Variants in SAMSN1 observed in about 807,000 individuals in gnomAD.
SAMSN1 encodes the protein SAM domain-containing protein SAMSN-1.
SAMSN1 carries 31 observed loss-of-function variants against 42.0 expected under a neutral mutation model. The ratio of observed to expected loss-of-function variants is 0.74; its 90% CI spans 0.55 to 1.00. The LOEUF (loss-of-function observed/expected upper bound fraction) is 1.00. SAMSN1 is among the 50% of genes least tolerant of loss of function. The pLI is 0.00. For synonymous variants in SAMSN1, 178 were observed against 151.9 expected (o/e 1.17, Z -1.26); for missense variants, 464 against 439.4 (o/e 1.06, Z -0.50).
intron 7 of SAMSN1, among the ~76,000 whole-genome samples, chr21:14,589,975 CTG>C (rs1288531920): frequency 6.6e-6 from 1 of 152,086 alleles, no homozygotes; most frequent in Non-Finnish European, 1.5e-5. Context: ...TTAAAGAAAA[CTG>C]TAATGGAAAC....
chr21:14,569,272 G>A (rs1287694003), intron 2 of SAMSN1, among the ~76,000 whole-genome samples: 1 of 152,150 alleles, frequency 6.6e-6, no homozygotes, highest in African/African-American at 2.4e-5. Flanking sequence ...TGCAGCCTGG[G>A]CAACAGAGCA....
intron 7 of SAMSN1, among the ~76,000 whole-genome samples, chr21:14,490,104 A>G (rs1020440735): frequency 6.6e-6 from 1 of 152,172 alleles, no homozygotes; most frequent in Non-Finnish European, 1.5e-5. Context: ...TGCCCAAATC[A>G]TCCAGATTTT....
chr21:14,603,175 A>G (rs1982479736), intron 5 of SAMSN1, among the ~76,000 whole-genome samples: 1 of 152,126 alleles, frequency 6.6e-6, no homozygotes, highest in African/African-American at 2.4e-5. Context: ...ACTGGGAAAA[A>G]AAAATATTGC....
At chr21:14,555,700 C>G (rs1276332218) in intron 2 of SAMSN1, among the ~76,000 whole-genome samples, 1 of 152,150 alleles carries the variant, frequency 6.6e-6, no homozygotes, top group African/African-American at 2.4e-5. Context: ...CCTTTTCATT[C>G]TTTATAAACA....
rs563929342 is a variant in SAMSN1 at position 14,655,887 on chromosome 21, C to A, written c.24+2861G>T. Among the ~76,000 whole-genome samples the A allele has an allele frequency of 5.7e-4, 87 of 151,844 alleles. 1 individual carries two copies. The highest frequency in any genetic ancestry group is 8.9e-5 in the Non-Finnish European group (6 of 67,794). On this transcript the variant is annotated intron_variant, in intron 1 of 15. Transcript: ENST00000647101. Reference sequence around the variant, plus strand: ...AGTATCTCTCAGAATTCTTCAAGATCAGCAAAATTATTTATTTGGATATCA... The same window carrying A: ...AGTATCTCTCAGAATTCTTCAAGATAAGCAAAATTATTTATTTGGATATCA...
intron 6 of SAMSN1, among the ~76,000 whole-genome samples, chr21:14,500,130 G>A (rs73344129): frequency 6.6e-6 from 1 of 151,886 alleles, no homozygotes; most frequent in Admixed American, 6.6e-5. Context: ...ACTTGATTTT[G>A]ATCTCTGCTT....
intron 2 of SAMSN1, among the ~76,000 whole-genome samples, chr21:14,520,779 G>A (rs1568783562): frequency 6.6e-6 from 1 of 152,156 alleles, no homozygotes; most frequent in African/African-American, 2.4e-5. Flanking sequence ...TTTGCTGCAG[G>A]GAGGAGCCTG....
chr21:14,498,334 G>T, intron 7 of SAMSN1, 108 bp downstream of exon 7: 1 of 876,508 alleles, frequency 1.1e-6, no homozygotes, highest in Non-Finnish European at 1.7e-6. Flanking sequence ...ATGGGAAAGC[G>T]TGCTTTCATG....
intron 1 of SAMSN1, among the ~76,000 whole-genome samples, chr21:14,652,967 A>G (rs1983859802): frequency 6.6e-6 from 1 of 152,100 alleles, no homozygotes; most frequent in South Asian, 2.1e-4. Context: ...GAGAAATGCA[A>G]ATCAAAACTA....
Position 14,590,136 on chromosome 21 carries a change from C to A in SAMSN1, c.465+3877G>T, listed in dbSNP as rs117303264. Among the ~76,000 whole-genome samples the A allele has an allele frequency of 1.1e-3, 161 of 152,140 alleles. 5 individuals carry two copies. The East Asian group carries it at 0.022, about 21-fold the overall frequency. On this transcript the variant is annotated intron_variant, in intron 7 of 15. Transcript: ENST00000647101. Reference sequence around the variant, plus strand: ...ATGCTCCCATGTATTAAGTGAAAAACCAGAATGTAAATTTGTATAAAAAGT... The same window carrying A: ...ATGCTCCCATGTATTAAGTGAAAAAACAGAATGTAAATTTGTATAAAAAGT...
At chr21:14,561,207 C>G (rs1980938027) in intron 2 of SAMSN1, among the ~76,000 whole-genome samples, 1 of 152,092 alleles carries the variant, frequency 6.6e-6, no homozygotes, top group Non-Finnish European at 1.5e-5. Flanking sequence ...CAGAGGCAGA[C>G]TCAGTGCCCG....
intron 5 of SAMSN1, among the ~76,000 whole-genome samples, chr21:14,501,968 G>A (rs1480293133): frequency 2.6e-5 from 4 of 152,146 alleles, no homozygotes; most frequent in Non-Finnish European, 4.4e-5. Context: ...TTATTTCTAT[G>A]CAAATAGGAT....
upstream of SAMSN1, among the ~76,000 whole-genome samples, chr21:14,584,126 C>T (rs1473367423): frequency 1.3e-5 from 2 of 151,722 alleles, no homozygotes; most frequent in African/African-American, 4.8e-5. Flanking sequence ...ATAGATGGAA[C>T]AAGAGGTTCA....
At chr21:14,618,773 T>C (rs770046358) in intron 2 of SAMSN1, among the ~76,000 whole-genome samples, 6 of 152,100 alleles carry the variant, frequency 3.9e-5, no homozygotes, top group Non-Finnish European at 7.4e-5. Context: ...GAGAGTTATT[T>C]CAGTGAAAAA....
At chr21:14,526,670 A>T (rs1978881364) in intron 1 of SAMSN1, among the ~76,000 whole-genome samples, 1 of 152,090 alleles carries the variant, frequency 6.6e-6, no homozygotes, top group Non-Finnish European at 1.5e-5. Context: ...AAAATTCTCC[A>T]CTCTGATATA....
upstream of SAMSN1, among the ~76,000 whole-genome samples, chr21:14,550,578 T>C (rs553064120): frequency 6.6e-6 from 1 of 152,118 alleles, no homozygotes; most frequent in Non-Finnish European, 1.5e-5. Context: ...GTCTACATGA[T>C]AAATTAATAT....
At chr21:14,569,410 C>T (rs1981221348) in intron 2 of SAMSN1, among the ~76,000 whole-genome samples, 1 of 150,380 alleles carries the variant, frequency 6.6e-6, no homozygotes, top group South Asian at 2.1e-4. Flanking sequence ...GGGTTATTTC[C>T]CCATTTTGCT....
intron 2 of SAMSN1, among the ~76,000 whole-genome samples, chr21:14,625,900 A>T (rs1001763106): frequency 6.6e-6 from 1 of 152,230 alleles, no homozygotes; most frequent in African/African-American, 2.4e-5. Flanking sequence ...TACAGTAACC[A>T]AAACAGCATG....
intron 2 of SAMSN1, among the ~76,000 whole-genome samples, chr21:14,621,730 C>A (rs964026507): frequency 6.6e-6 from 1 of 152,222 alleles, no homozygotes; most frequent in Non-Finnish European, 1.5e-5. Flanking sequence ...GCAGCAGAAA[C>A]CTCTGCAGAC....
Sources: gnomAD v4.1 joint callset for allele counts (sites outside exome capture counted in the v4.1 genomes callset) on GRCh38, gnomAD v4.1.1 for gene constraint, MANE v1.5 for transcripts, NCBI Gene and HGNC (gene_info 2026-07-23, HGNC 2026-07-21) for gene names.